ARID4A: variants seen among roughly 807,000 people sequenced by gnomAD.
ARID4A encodes AT-rich interaction domain 4A, also known as AT-rich interactive domain-containing protein 4A.
In ARID4A, 39 loss-of-function variants were observed where a neutral mutation model predicts 148.6. The observed-to-expected ratio is 0.26, with a 90% CI of 0.20 to 0.34. The LOEUF (loss-of-function observed/expected upper bound fraction) is 0.34, where lower values mean the gene tolerates loss of function less well. Ranked by LOEUF, ARID4A falls within the 10% of genes least tolerant of loss-of-function variation. ARID4A has a pLI of 1.00. For missense variants in ARID4A, 1,265 were observed against 1,449.1 expected (o/e 0.87, Z 2.06); for synonymous variants, 475 against 481.2 (o/e 0.99, Z 0.17).
chr14:58,353,939 CAA>C (rs1398797444), intron 17 of ARID4A, 84 bp downstream of exon 17: 1 of 1,201,850 alleles, frequency 8.3e-7, no homozygotes, highest in Non-Finnish European at 1.2e-6. Context: ...AGAGTGAAAG[CAA>C]ATAATGGTAC....
chr14:58,344,810 A>G (rs768453321), intron 12 of ARID4A, 43 bp downstream of exon 12: 29 of 1,416,516 alleles, frequency 2.0e-5, no homozygotes, highest in East Asian at 4.6e-5. Flanking sequence ...TTTCTTTTTC[A>G]TGTTTACATT....
At chr14:58,357,465 A>G (rs1322846213) in intron 17 of ARID4A, among the ~76,000 whole-genome samples, 2 of 152,206 alleles carry the variant, frequency 1.3e-5, no homozygotes, top group African/African-American at 2.4e-5. Context: ...TTCCAGATAC[A>G]TGAGTTTCTA....
chr14:58,299,738 C>T, intron 1 of ARID4A, 60 bp from the exon 2 acceptor site: 7 of 1,465,018 alleles, frequency 4.8e-6, no homozygotes, highest in Non-Finnish European at 6.7e-6. Context: ...CTTTCTTTCC[C>T]TTGGTCGCTC....
rs1410592521 is a variant in ARID4A, at chr14:58,360,882, T to G, written c.1939-19T>G. ...GTAAAGCATTGGCCCTTCTCATACA[T>G]TTTGTTGTTGTTGCCCAGAATAAAG... On this transcript the variant is annotated intron_variant, in intron 18 of 23. Coordinates refer to ENST00000355431, the MANE Select transcript of ARID4A (RefSeq NM_002892.4). 1 of 1,612,178 alleles carries G rather than the reference T, an allele frequency of 6.2e-7. No individual in the cohort carries two copies. Among genetic ancestry groups the G allele is most frequent in the Non-Finnish European group, 8.5e-7 (1 of 1,179,160 alleles).
intron 18 of ARID4A, among the ~76,000 whole-genome samples, chr14:58,360,426 CAT>C (rs2035083566): frequency 6.6e-6 from 1 of 152,178 alleles, no homozygotes; most frequent in Admixed American, 6.5e-5. Context: ...TTTTAAAACA[CAT>C]ATATACTGGC....
chr14:58,369,326 G>T (rs1043787954), intron 23 of ARID4A, among the ~76,000 whole-genome samples: 4 of 152,174 alleles, frequency 2.6e-5, no homozygotes, highest in African/African-American at 9.6e-5. Context: ...GAATCCTGTG[G>T]ATAAAGAGTA....
At chr14:58,306,572 G>A (rs1039050134) in intron 5 of ARID4A, among the ~76,000 whole-genome samples, 2 of 152,088 alleles carry the variant, frequency 1.3e-5, no homozygotes, top group African/African-American at 4.8e-5. Flanking sequence ...ATACAGTGTG[G>A]GTGCTCATAT....
In ARID4A at chr14:58,318,599, A is replaced by G; in HGVS notation, c.332A>G (p.Glu111Gly). Residue 111 changes from glutamate (E) to glycine (G), a missense_variant, in exon 6 of 24, where the codon GAG becomes GGG. By Grantham distance (98) the Glu-to-Gly change is moderately conservative (BLOSUM62 -2). This residue lies in a region of ARID4A where 21 missense variants were observed against 36.5 expected (regional missense o/e 0.58). Transcript: ENST00000355431. The part of the protein sequence containing the change: ...LRRTSLCLKG[E>G]RHFAESETLD... ...CGTACCTCACTTTGTCTGAAAGGAG[A>G]GAGACATTTTGCAGAGAGTGAGGTA... 6.2e-7 allele frequency: 1 copy of G among 1,614,170 alleles called. No homozygotes were observed. The highest frequency in any genetic ancestry group is 8.5e-7 in the Non-Finnish European group (1 of 1,180,030).
chr14:58,371,247 T>C (rs376645581), intron 23 of ARID4A, among the ~76,000 whole-genome samples: 1 of 152,042 alleles, frequency 6.6e-6, no homozygotes, highest in South Asian at 2.1e-4. Context: ...AATTAAAATT[T>C]TAAATAAAAT....
chr14:58,330,209 ACT>A (rs2033444286), intron 11 of ARID4A, 40 bp downstream of exon 11: 2 of 1,590,202 alleles, frequency 1.3e-6, no homozygotes, highest in East Asian at 4.5e-5. Flanking sequence ...ACATCTTAAT[ACT>A]CTCTAGTGAA....
intron 17 of ARID4A, among the ~76,000 whole-genome samples, chr14:58,354,076 C>T (rs1392283057): frequency 6.6e-6 from 1 of 152,076 alleles, no homozygotes; most frequent in Non-Finnish European, 1.5e-5. Flanking sequence ...GAACAAGTTA[C>T]ATTTATTACT....
chr14:58,306,626 C>G (rs2031623894), intron 5 of ARID4A, among the ~76,000 whole-genome samples: 1 of 152,170 alleles, frequency 6.6e-6, no homozygotes, highest in Non-Finnish European at 1.5e-5. Context: ...GCCTGTAATC[C>G]TAGCATTTTG....
intron 22 of ARID4A, among the ~76,000 whole-genome samples, chr14:58,366,665 A>G (rs2035372202): frequency 6.6e-6 from 1 of 152,158 alleles, no homozygotes; most frequent in Non-Finnish European, 1.5e-5. Context: ...CATTTAAGTA[A>G]TAAATGTTTA....
intron 3 of ARID4A, among the ~76,000 whole-genome samples, chr14:58,302,000 G>C (rs117965985): frequency 6.6e-6 from 1 of 152,244 alleles, no homozygotes; most frequent in East Asian, 1.9e-4. Flanking sequence ...CAATTTTAGT[G>C]TTTAGGACAA....
intron 5 of ARID4A, among the ~76,000 whole-genome samples, chr14:58,308,182 T>G (rs1474882366): frequency 6.6e-6 from 1 of 152,232 alleles, no homozygotes; most frequent in Admixed American, 6.5e-5. Context: ...TTCTCTATGG[T>G]GATTTTCTGT....
chr14:58,349,842 G>A (rs2140239332), intron 15 of ARID4A, among the ~76,000 whole-genome samples: 1 of 152,228 alleles, frequency 6.6e-6, no homozygotes, highest in East Asian at 1.9e-4. Flanking sequence ...CGGGCACGGT[G>A]GCTCACGCCT....
Position 58,334,230 on chromosome 14 carries a change from G to C in ARID4A, c.906+4061G>C, listed in dbSNP as rs556074814. On this transcript the variant is annotated intron_variant, in intron 11 of 23. Coordinates refer to ENST00000355431, the MANE Select transcript of ARID4A (RefSeq NM_002892.4). Reference sequence around the variant, plus strand: ...TTTATAGTTGTGGTCATATGATATAGTTGACTTGTACTAAAAATCTTGGAT... The same window carrying C: ...TTTATAGTTGTGGTCATATGATATACTTGACTTGTACTAAAAATCTTGGAT... 2.0e-5 allele frequency among the ~76,000 whole-genome samples: 3 copies of C among 152,224 alleles called. No homozygotes were observed. In the East Asian group the frequency reaches 5.8e-4, roughly 29 times the overall value.
At chr14:58,323,429 T>G in intron 7 of ARID4A, 56 bp from the exon 8 acceptor site, 1 of 1,566,582 alleles carries the variant, frequency 6.4e-7, no homozygotes, top group South Asian at 1.1e-5. Context: ...TTCACAATAC[T>G]CTGTATCAAA....
At chr14:58,371,357 G>C (rs550291875) in intron 23 of ARID4A, among the ~76,000 whole-genome samples, 1 of 152,320 alleles carries the variant, frequency 6.6e-6, no homozygotes, top group South Asian at 2.1e-4. Context: ...CTAATGCTCA[G>C]AGTACCGATC....
Sources: gnomAD v4.1 joint callset for allele counts (sites outside exome capture counted in the v4.1 genomes callset) on GRCh38, gnomAD v4.1.1 for gene constraint, gnomAD v4.1.1 regional missense constraint, MANE v1.5 for transcripts, NCBI Gene and HGNC (gene_info 2026-07-23, HGNC 2026-07-21) for gene names.